TIAM1: variants seen among roughly 807,000 people sequenced by gnomAD.
The protein encoded by TIAM1 is TIAM Rac1 associated GEF 1.
TIAM1 carries 65 observed loss-of-function variants against 163.5 expected under a neutral mutation model. The observed-to-expected ratio is 0.40, with a 90% CI of 0.33 to 0.49. The LOEUF (loss-of-function observed/expected upper bound fraction) is 0.49. Among genes scored for constraint, TIAM1 ranks in the 20% least tolerant of loss-of-function variants. The pLI, the probability that TIAM1 is intolerant of heterozygous loss-of-function variation, is 0.77. For synonymous variants in TIAM1, 833 were observed against 810.1 expected, an observed-to-expected ratio of 1.03 and a Z score of -0.48; for missense variants, 1,789 against 2,044.7, an observed-to-expected ratio of 0.87 and a Z score of 2.41.
intron 2 of TIAM1, among the ~76,000 whole-genome samples, chr21:31,306,937 A>G (rs2074736042): frequency 6.6e-6 from 1 of 152,142 alleles, no homozygotes; most frequent in Non-Finnish European, 1.5e-5. Context: ...GAAAAACACT[A>G]ATGTCTTTGG....
intron 12 of TIAM1, among the ~76,000 whole-genome samples, chr21:31,200,804 A>G (rs2086158071): frequency 6.6e-6 from 1 of 152,218 alleles, no homozygotes; most frequent in Admixed American, 6.5e-5. Flanking sequence ...AAAAGTATCC[A>G]AAGGACAAAA....
intron 13 of TIAM1, among the ~76,000 whole-genome samples, chr21:31,187,885 T>C (rs913432139): frequency 6.6e-6 from 1 of 152,130 alleles, no homozygotes; most frequent in Admixed American, 6.5e-5. Flanking sequence ...CCACAGTGAA[T>C]ACCTACTTTG....
chr21:31,479,579 AT>A (rs1241129603), intron 1 of TIAM1, among the ~76,000 whole-genome samples: 1 of 152,176 alleles, frequency 6.6e-6, no homozygotes, highest in Non-Finnish European at 1.5e-5. Context: ...TATCATGCTG[AT>A]AGCTTGGAAT....
intron 6 of TIAM1, among the ~76,000 whole-genome samples, 162 bp downstream of exon 6, chr21:31,245,326 T>C (rs370709936): frequency 6.7e-6 from 1 of 148,592 alleles, no homozygotes; most frequent in East Asian, 2.0e-4. Context: ...TATTTTGTCA[T>C]TCACTGTTTT....
intron 2 of TIAM1, among the ~76,000 whole-genome samples, chr21:31,403,879 T>C (rs1351438206): frequency 6.6e-6 from 1 of 152,032 alleles, no homozygotes; most frequent in African/African-American, 2.4e-5. Context: ...CCCTCACAAA[T>C]AGCTCAAATC....
intron 2 of TIAM1, among the ~76,000 whole-genome samples, chr21:31,421,885 G>A (rs569732621): frequency 1.3e-5 from 2 of 152,234 alleles, no homozygotes; most frequent in African/African-American, 2.4e-5. Context: ...AGCTACTCGC[G>A]AGGCTGAAGC....
intron 2 of TIAM1, among the ~76,000 whole-genome samples, chr21:31,277,715 G>A (rs575768325): frequency 3.3e-5 from 5 of 152,056 alleles, no homozygotes; most frequent in Non-Finnish European, 7.3e-5. Flanking sequence ...TGTCTATGGA[G>A]TAGCCATTCT....
chr21:31,442,070 A>AATAAATATATATATATATATATATAT (rs370046459), intron 2 of TIAM1, among the ~76,000 whole-genome samples: 40 of 53,202 alleles, frequency 7.5e-4, no homozygotes, highest in African/African-American at 2.5e-3. Flanking sequence ...CAAATAAATA[A>AATAAATATATATATATATATATATAT]ATATATATAT....
chr21:31,205,053 C>T (rs2086380217), intron 11 of TIAM1, among the ~76,000 whole-genome samples: 1 of 152,128 alleles, frequency 6.6e-6, no homozygotes, highest in African/African-American at 2.4e-5. Flanking sequence ...AGGCTGGAGG[C>T]GAAAGCCCAG....
At chr21:31,362,455 A>ATTATTATTC (rs2076423474) in intron 2 of TIAM1, among the ~76,000 whole-genome samples, 1 of 146,314 alleles carries the variant, frequency 6.8e-6, no homozygotes, top group Admixed American at 6.8e-5. Context: ...AATTATTATT[A>ATTATTATTC]TTATTATTAT....
chr21:31,376,776 T>A (rs969151940), intron 2 of TIAM1, among the ~76,000 whole-genome samples: 9 of 152,008 alleles, frequency 5.9e-5, no homozygotes, highest in African/African-American at 2.2e-4. Context: ...CCTGGATGAA[T>A]GGTAAGTGAT....
chr21:31,463,126 C>T (rs529618147), intron 2 of TIAM1, among the ~76,000 whole-genome samples: 1 of 152,234 alleles, frequency 6.6e-6, no homozygotes, highest in South Asian at 2.1e-4. Flanking sequence ...GGTAACTGCT[C>T]TACCAGGGAG....
chr21:31,262,241 C>CCTT (rs2072518925), intron 4 of TIAM1, among the ~76,000 whole-genome samples: 1 of 152,178 alleles, frequency 6.6e-6, no homozygotes, highest in African/African-American at 2.4e-5. Flanking sequence ...GCACTGAGAT[C>CCTT]CATGGAAGTC....
At position 31,119,470 on chromosome 21, in the gene TIAM1, T is replaced by TA. The variant is rs11445773; in HGVS notation, c.*897dup. ...CCATCTCAAATATAGATTCAAACAT[T>TA]AAAAAAAAAAAATCCGCTTTTTGGA... On this transcript the variant is annotated 3_prime_UTR_variant, in exon 28 of 28. Coordinates refer to ENST00000541036, the MANE Select transcript of TIAM1 (RefSeq NM_001353694.2). 0.41 allele frequency: 61,342 copies of TA among 148,730 alleles called. 13,183 individuals carry two copies. Among genetic ancestry groups the TA allele is most frequent in the East Asian group, 0.6 (3,058 of 5,060 alleles). The allele number at this position is 148,730 out of a possible 1,614,324, so 9.2% of individuals were successfully genotyped here.
At chr21:31,432,520 A>C (rs1402523209) in intron 2 of TIAM1, among the ~76,000 whole-genome samples, 1 of 152,110 alleles carries the variant, frequency 6.6e-6, no homozygotes, top group Non-Finnish European at 1.5e-5. Context: ...CTTCCTGGTA[A>C]TAGTGACCAT....
At chr21:31,373,139 T>G (rs1429447793) in intron 2 of TIAM1, among the ~76,000 whole-genome samples, 2 of 150,128 alleles carry the variant, frequency 1.3e-5, no homozygotes, top group African/African-American at 4.9e-5. Context: ...AACACAAAAA[T>G]TAGCTGGGCA....
At chr21:31,351,434 T>C (rs1264620946) in intron 2 of TIAM1, among the ~76,000 whole-genome samples, 1 of 152,174 alleles carries the variant, frequency 6.6e-6, no homozygotes, top group East Asian at 1.9e-4. Context: ...TCCAACCTAG[T>C]ACAAAAGGCA....
chr21:31,265,329 T>A (rs1169218534), intron 4 of TIAM1, among the ~76,000 whole-genome samples: 3 of 150,564 alleles, frequency 2.0e-5, no homozygotes, highest in African/African-American at 7.3e-5. Flanking sequence ...AGCATCTTTA[T>A]CCCCATTTTT....
intron 2 of TIAM1, among the ~76,000 whole-genome samples, chr21:31,450,058 G>A (rs1248261424): frequency 1.3e-5 from 2 of 152,202 alleles, no homozygotes; most frequent in Admixed American, 1.3e-4. Context: ...AATGGAAGGA[G>A]CTGCTCGTGA....
Sources: allele counts gnomAD v4.1 joint callset (sites outside exome capture counted in the v4.1 genomes callset), GRCh38; gene constraint gnomAD v4.1.1; transcripts MANE v1.5; gene names NCBI Gene and HGNC (gene_info 2026-07-23, HGNC 2026-07-21).